Variants in CFAP299 observed in about 807,000 individuals in gnomAD.
The protein encoded by CFAP299 is cilia- and flagella-associated protein 299.
In CFAP299, 21 loss-of-function variants were observed where a neutral mutation model predicts 27.0. The ratio of observed to expected loss-of-function variants is 0.78; its 90% CI spans 0.55 to 1.12. The LOEUF (loss-of-function observed/expected upper bound fraction) is 1.12. Among genes scored for constraint, CFAP299 ranks in the 50% most tolerant of loss-of-function variants. The pLI, the probability that CFAP299 is intolerant of heterozygous loss-of-function variation, is 0.00. For synonymous variants in CFAP299, 104 were observed against 98.1 expected, an observed-to-expected ratio of 1.06 and a Z score of -0.36; for missense variants, 310 against 276.6, an observed-to-expected ratio of 1.12 and a Z score of -0.86.
intron 3 of CFAP299, among the ~76,000 whole-genome samples, chr4:80,732,070 G>GAC (rs76562370): frequency 0.12 from 12,775 of 110,376 alleles, 591 homozygotes; most frequent in Middle Eastern, 0.2. Context: ...CAGACACACA[G>GAC]ACACACACAC....
At chr4:80,592,777 T>G (rs1011956619) in intron 3 of CFAP299, among the ~76,000 whole-genome samples, 1 of 152,192 alleles carries the variant, frequency 6.6e-6, no homozygotes, top group Non-Finnish European at 1.5e-5. Flanking sequence ...AATTTAGTGT[T>G]TTTGCTATTA....
intron 3 of CFAP299, among the ~76,000 whole-genome samples, chr4:80,638,783 C>T (rs143072636): frequency 2.6e-5 from 4 of 152,252 alleles, no homozygotes; most frequent in East Asian, 3.9e-4. Flanking sequence ...TTAGGTTCAG[C>T]GAATATTTTA....
intron 3 of CFAP299, among the ~76,000 whole-genome samples, chr4:80,725,446 A>G (rs1396598731): frequency 6.6e-6 from 1 of 151,602 alleles, no homozygotes; most frequent in African/African-American, 2.4e-5. Context: ...ATGTCTGGAG[A>G]TACTTGATTG....
intron 3 of CFAP299, among the ~76,000 whole-genome samples, chr4:80,773,022 T>C (rs1376200471): frequency 1.3e-5 from 2 of 152,152 alleles, no homozygotes; most frequent in East Asian, 3.9e-4. Context: ...TGGAATACTA[T>C]GCAGCCATAA....
At chr4:80,806,207 G>A (rs892653910) in intron 3 of CFAP299, among the ~76,000 whole-genome samples, 7 of 152,218 alleles carry the variant, frequency 4.6e-5, no homozygotes, top group African/African-American at 1.7e-4. Context: ...GTTATCATTT[G>A]ACATGAAGTC....
chr4:80,599,661 C>G (rs1000151186), intron 3 of CFAP299, among the ~76,000 whole-genome samples: 1 of 152,074 alleles, frequency 6.6e-6, no homozygotes, highest in Non-Finnish European at 1.5e-5. Flanking sequence ...TCAAAACTCT[C>G]TTAGGTTACC....
chr4:80,694,689 G>A lies in CFAP299; in HGVS notation c.333+111506G>A, dbSNP rs549841072. Among the ~76,000 whole-genome samples the A allele has an allele frequency of 3.3e-5, 5 of 152,220 alleles. No individual in the cohort carries two copies. In the South Asian group the frequency reaches 6.2e-4, roughly 19 times the overall value. ...GTTTCAGCTTTCAATAGGAATAATT[G>A]TATTTAATTATCTTTAAATGTCAAT... On this transcript the variant is annotated intron_variant, in intron 3 of 5. Transcript: ENST00000358105.
chr4:80,715,441 G>T (rs1273361483), intron 3 of CFAP299, among the ~76,000 whole-genome samples: 1 of 151,904 alleles, frequency 6.6e-6, no homozygotes, highest in Non-Finnish European at 1.5e-5. Context: ...TCCACAAAAA[G>T]GTTTGTTTTG....
chr4:80,845,460 T>C (rs923087119), intron 3 of CFAP299, among the ~76,000 whole-genome samples: 6 of 152,164 alleles, frequency 3.9e-5, no homozygotes, highest in African/African-American at 1.4e-4. Context: ...CAAATTTTAT[T>C]TCACATCATG....
chr4:80,752,089 T>C (rs1724964833), intron 3 of CFAP299, among the ~76,000 whole-genome samples: 1 of 152,098 alleles, frequency 6.6e-6, no homozygotes, highest in South Asian at 2.1e-4. Flanking sequence ...TGCAAAGATC[T>C]TTGAGAGAAG....
intron 2 of CFAP299, among the ~76,000 whole-genome samples, chr4:80,538,167 G>A (rs1204799462): frequency 6.6e-6 from 1 of 151,902 alleles, no homozygotes; most frequent in African/African-American, 2.4e-5. Flanking sequence ...GTTTGTAGGT[G>A]TAACAAACCT....
At chr4:80,841,047 T>C (rs1344136394) in intron 3 of CFAP299, among the ~76,000 whole-genome samples, 1 of 152,142 alleles carries the variant, frequency 6.6e-6, no homozygotes, top group African/African-American at 2.4e-5. Flanking sequence ...TAAAGAAAGA[T>C]GTATAATTAC....
chr4:80,774,776 G>A (rs1457999078), intron 3 of CFAP299, among the ~76,000 whole-genome samples: 1 of 152,046 alleles, frequency 6.6e-6, no homozygotes, highest in Admixed American at 6.6e-5. Context: ...TAGTTTGGCA[G>A]TATGTCTTTA....
intron 3 of CFAP299, among the ~76,000 whole-genome samples, chr4:80,815,725 A>G (rs75104901): frequency 0.019 from 2,946 of 152,056 alleles, 62 homozygotes; most frequent in East Asian, 0.06. Flanking sequence ...AAACATAAAA[A>G]TGAATTAAGG....
At position 80,682,002 on chromosome 4, in the gene CFAP299, T is replaced by C. The variant is rs185886102; in HGVS notation, c.333+98819T>C. Among the ~76,000 whole-genome samples, 769 of 152,270 alleles carry C rather than the reference T, an allele frequency of 5.1e-3. 5 individuals are homozygous for C. Among genetic ancestry groups the C allele is most frequent in the Middle Eastern group, 0.02 (6 of 294 alleles). On this transcript the variant is annotated intron_variant, in intron 3 of 5. Coordinates refer to ENST00000358105, the MANE Select transcript of CFAP299 (RefSeq NM_152770.3). ...TAGAGAATGAGGATACAAGGTGTTA[T>C]TGGGATACATGTGAAGAAGAAAGAG...
chr4:80,740,002 T>A (rs1180874481), intron 3 of CFAP299, among the ~76,000 whole-genome samples: 1 of 152,234 alleles, frequency 6.6e-6, no homozygotes. Flanking sequence ...TTTCTGCTTT[T>A]TTCTCTTTAT....
intron 2 of CFAP299, among the ~76,000 whole-genome samples, chr4:80,580,762 A>G (rs1736123337): frequency 6.6e-6 from 1 of 151,950 alleles, no homozygotes; most frequent in African/African-American, 2.4e-5. Flanking sequence ...ACAGGATTGT[A>G]TTTTCTCACC....
chr4:80,446,746 CA>C (rs1313071352), intron 2 of CFAP299, among the ~76,000 whole-genome samples: 2 of 152,198 alleles, frequency 1.3e-5, no homozygotes, highest in African/African-American at 4.8e-5. Flanking sequence ...CACCTGGTAG[CA>C]TTACAGTCTA....
chr4:80,714,434 G>T (rs1722357933), intron 3 of CFAP299, among the ~76,000 whole-genome samples: 2 of 152,084 alleles, frequency 1.3e-5, no homozygotes, highest in Admixed American at 1.3e-4. Context: ...AAAGGACAAA[G>T]TACCCAAATA....
Sources: gnomAD v4.1 joint callset for allele counts (sites outside exome capture counted in the v4.1 genomes callset) on GRCh38, gnomAD v4.1.1 for gene constraint, MANE v1.5 for transcripts, NCBI Gene and HGNC (gene_info 2026-07-23, HGNC 2026-07-21) for gene names.